Variants in MPHOSPH6 observed in about 807,000 individuals in gnomAD.
MPHOSPH6 encodes M-phase phosphoprotein 6.
A neutral mutation model predicts 21.8 loss-of-function variants in MPHOSPH6; 25 were observed. That is an observed-to-expected ratio of 1.15 (90% CI 0.83 to 1.60). The LOEUF (loss-of-function observed/expected upper bound fraction) is 1.60. Ranked by LOEUF, MPHOSPH6 falls within the 40% of genes most tolerant of loss-of-function variation. The pLI is 0.00. For synonymous variants in MPHOSPH6, 84 were observed against 56.5 expected, an observed-to-expected ratio of 1.49 and a Z score of -2.18; for missense variants, 269 against 181.8, an observed-to-expected ratio of 1.48 and a Z score of -2.76.
At chr16:82,159,759 C>CT (rs1314906484) in intron 2 of MPHOSPH6, among the ~76,000 whole-genome samples, 16 of 152,136 alleles carry the variant, frequency 1.1e-4, no homozygotes, top group African/African-American at 3.9e-4. Context: ...TTCCAAAACT[C>CT]TGAGAACCAC....
In MPHOSPH6 at chr16:82,170,142, T is replaced by A; in HGVS notation, c.34A>T (p.Asn12Tyr). The A allele has an allele frequency of 6.3e-7, 1 of 1,594,492 alleles. No individual in the cohort carries two copies. The highest frequency in any genetic ancestry group is 8.5e-7 in the Non-Finnish European group (1 of 1,170,650). ...AAERKTRLSK[N>Y]LLRMKFMQRG... ...CCCCGCACCTTCATGCGCAGTAGATTCTTGGACAACCTTGTCTTTCGCTCG... is the reference window on the plus strand; with the variant it reads ...CCCCGCACCTTCATGCGCAGTAGATACTTGGACAACCTTGTCTTTCGCTCG... The change falls in exon 1 of 5, where the codon AAT (asparagine) becomes TAT (tyrosine). Residue 12 changes from asparagine (N) to tyrosine (Y), a missense_variant. Coordinates refer to ENST00000258169, the MANE Select transcript of MPHOSPH6 (RefSeq NM_005792.2).
chr16:82,150,490 T>C (rs1304166059), intron 3 of MPHOSPH6, among the ~76,000 whole-genome samples: 1 of 152,170 alleles, frequency 6.6e-6, no homozygotes, highest in Non-Finnish European at 1.5e-5. Flanking sequence ...AAAGGAAAAC[T>C]AACCTAGAAT....
intron 2 of MPHOSPH6, among the ~76,000 whole-genome samples, chr16:82,158,738 C>T (rs1226474808): frequency 6.6e-6 from 1 of 152,108 alleles, no homozygotes; most frequent in Non-Finnish European, 1.5e-5. Context: ...AGCTTTCAAG[C>T]AAAAGTTAGA....
chr16:82,167,885 G>A (rs112207736), intron 1 of MPHOSPH6, among the ~76,000 whole-genome samples: 10 of 152,274 alleles, frequency 6.6e-5, no homozygotes, highest in East Asian at 1.9e-4. Flanking sequence ...ATGGCCTGGC[G>A]GTTGGGGACC....
chr16:82,148,978 T>A, intron 4 of MPHOSPH6, 115 bp from the exon 5 acceptor site: 2 of 1,294,740 alleles, frequency 1.5e-6, no homozygotes, highest in Non-Finnish European at 1.1e-6. Context: ...AAGAAAACTA[T>A]CATTAAAAGA....
chr16:82,158,512 A>AG (rs1597162302), intron 2 of MPHOSPH6, among the ~76,000 whole-genome samples: 1 of 150,504 alleles, frequency 6.6e-6, no homozygotes, highest in African/African-American at 2.5e-5. Flanking sequence ...AAAAAAAAAA[A>AG]AAAAAAAAAA....
intron 1 of MPHOSPH6, among the ~76,000 whole-genome samples, chr16:82,165,862 C>A (rs1027585784): frequency 3.2e-4 from 36 of 111,562 alleles, no homozygotes; most frequent in African/African-American, 1.0e-3. Flanking sequence ...AGAACGTATC[C>A]CTGTTGTTAA....
At chr16:82,161,802 A>G (rs990504059) in intron 2 of MPHOSPH6, among the ~76,000 whole-genome samples, 25 of 152,188 alleles carry the variant, frequency 1.6e-4, no homozygotes, top group Admixed American at 3.9e-4. Flanking sequence ...CTAGATCATC[A>G]TTCCCCTACA....
rs1457073069 is a variant in MPHOSPH6, at chr16:82,151,429, C to T, written c.250G>A (p.Val84Ile). ...GAAGCAATTATATTTAATACCTCAA[C>T]CTCAGGATTAAATCCTCTGAATGAC... ...RMSFRGFNPE[V>I]EKLMLQMNAK... The change falls in exon 3 of 5, where the codon GTT (valine) becomes ATT (isoleucine). Residue 84 changes from valine to isoleucine, a missense_variant. Val to Ile is a conservative substitution (Grantham distance 29). Coordinates refer to ENST00000258169, the MANE Select transcript of MPHOSPH6 (RefSeq NM_005792.2). The T allele has an allele frequency of 3.1e-6, 5 of 1,605,458 alleles. No homozygotes were observed. In the African/African-American group the frequency reaches 5.4e-5, roughly 17 times the overall value.
At chr16:82,153,464 G>A (rs912576477) in intron 2 of MPHOSPH6, among the ~76,000 whole-genome samples, 2 of 152,254 alleles carry the variant, frequency 1.3e-5, no homozygotes, top group Admixed American at 1.3e-4. Flanking sequence ...TTGTGGAGCA[G>A]GGAGTGGGGG....
At chr16:82,165,157 T>C (rs1450082109) in intron 1 of MPHOSPH6, among the ~76,000 whole-genome samples, 1 of 127,196 alleles carries the variant, frequency 7.9e-6, no homozygotes, top group Non-Finnish European at 1.6e-5. Context: ...AGACAGAGTC[T>C]CACTCTGTCG....
chr16:82,170,041 G>C (rs748776716), intron 1 of MPHOSPH6, 84 bp downstream of exon 1: 65 of 1,460,728 alleles, frequency 4.4e-5, no homozygotes, highest in Non-Finnish European at 5.6e-5. Flanking sequence ...GGTGTCCCTT[G>C]TCCGCCCGCC....
rs184293747 is a variant in MPHOSPH6, at chr16:82,158,954, A to G, written c.164+5128T>C. Among the ~76,000 whole-genome samples, 721 of 119,112 alleles carry G rather than the reference A, an allele frequency of 6.1e-3. 11 individuals are homozygous for G. The highest frequency in any genetic ancestry group is 0.017 in the African/African-American group (647 of 37,138). The allele number at this position is 119,112 out of a possible 152,430, so 78.1% of individuals were successfully genotyped here. On this transcript the variant is annotated intron_variant, in intron 2 of 4. Transcript: ENST00000258169. Reference sequence around the variant, plus strand: ...GAAATCATATACAGGTAAAAGATCTATTTGGAATACAAGACAGACCAAGAC... The same window carrying G: ...GAAATCATATACAGGTAAAAGATCTGTTTGGAATACAAGACAGACCAAGAC...
chr16:82,156,250 A>G (rs1030399589), intron 2 of MPHOSPH6, among the ~76,000 whole-genome samples: 1 of 152,204 alleles, frequency 6.6e-6, no homozygotes, highest in South Asian at 2.1e-4. Context: ...GCACAGATGT[A>G]TGTAAGTTTT....
chr16:82,165,258 G>C (rs1024432367), intron 1 of MPHOSPH6, among the ~76,000 whole-genome samples: 5 of 151,282 alleles, frequency 3.3e-5, no homozygotes, highest in African/African-American at 1.2e-4. Flanking sequence ...TTCTCGAGTA[G>C]CTGAGATTAC....
chr16:82,149,304 G>T lies in MPHOSPH6; in HGVS notation c.350+5C>A. ...GATTAGAAGGCTGCTGCGCAGCACG[G>T]TTACCTTCTAGCCATCTCTTCATCT... On this transcript the variant is annotated splice_donor_5th_base_variant and intron_variant, in intron 4 of 4. Transcript: ENST00000258169. 6.2e-7 allele frequency: 1 copy of T among 1,612,702 alleles called. No homozygotes were observed. Among genetic ancestry groups the T allele is most frequent in the Non-Finnish European group, 8.5e-7 (1 of 1,179,752 alleles).
intron 3 of MPHOSPH6, 44 bp from the exon 4 acceptor site, chr16:82,149,447 G>A: frequency 6.4e-7 from 1 of 1,561,794 alleles, no homozygotes; most frequent in Non-Finnish European, 8.8e-7. Context: ...GAAAACGCTT[G>A]TGAAAGGAAC....
intron 2 of MPHOSPH6, chr16:82,162,355 T>C (rs1022024156): frequency 2.6e-5 from 4 of 152,242 alleles, no homozygotes; most frequent in African/African-American, 4.8e-5. Context: ...ACAACACGTA[T>C]ACCAAGGACA....
chr16:82,167,291 C>A (rs1179624399), intron 1 of MPHOSPH6, among the ~76,000 whole-genome samples: 2 of 152,160 alleles, frequency 1.3e-5, no homozygotes, highest in African/African-American at 2.4e-5. Context: ...GATCACCCTG[C>A]AATGGCTGAC....
Sources: allele counts gnomAD v4.1 joint callset (sites outside exome capture counted in the v4.1 genomes callset), GRCh38; gene constraint gnomAD v4.1.1; transcripts MANE v1.5; gene names NCBI Gene and HGNC (gene_info 2026-07-23, HGNC 2026-07-21).